HDAC9: variants seen among roughly 807,000 people sequenced by gnomAD.
HDAC9 encodes the protein MEF-2 interacting transcription repressor (MITR) protein.
In HDAC9, 41 loss-of-function variants were observed where a neutral mutation model predicts 139.4. That is an observed-to-expected ratio of 0.29 (90% CI 0.23 to 0.38). The LOEUF is 0.38. Ranked by LOEUF, HDAC9 falls within the 10% of genes least tolerant of loss-of-function variation. The pLI is 1.00. For synonymous variants in HDAC9, 517 were observed against 476.2 expected, an observed-to-expected ratio of 1.09 and a Z score of -1.12; for missense variants, 1,147 against 1,297.0, an observed-to-expected ratio of 0.88 and a Z score of 1.78.
chr7:18,798,154 A>T (rs1433324950), intron 17 of HDAC9, among the ~76,000 whole-genome samples: 1 of 152,152 alleles, frequency 6.6e-6, no homozygotes, highest in African/African-American at 2.4e-5. Flanking sequence ...TATAACAAAG[A>T]GTAAAACAGT....
At chr7:18,552,211 G>A (rs772920438) in intron 2 of HDAC9, among the ~76,000 whole-genome samples, 1 of 152,048 alleles carries the variant, frequency 6.6e-6, no homozygotes, top group Non-Finnish European at 1.5e-5. Flanking sequence ...GGTTTATGTA[G>A]GTTTATAGGT....
intron 2 of HDAC9, among the ~76,000 whole-genome samples, chr7:18,247,131 G>T (rs1234161351): frequency 1.3e-5 from 2 of 151,890 alleles, no homozygotes; most frequent in Non-Finnish European, 2.9e-5. Flanking sequence ...CTGAATAAAG[G>T]TGTCAAGCAG....
At chr7:18,671,731 C>T (rs996854726) in intron 12 of HDAC9, among the ~76,000 whole-genome samples, 5 of 151,952 alleles carry the variant, frequency 3.3e-5, no homozygotes, top group Admixed American at 6.6e-5. Flanking sequence ...TCCCACTCCA[C>T]GCTCGTTCTT....
intron 6 of HDAC9, among the ~76,000 whole-genome samples, chr7:18,623,931 T>C (rs904604415): frequency 2.6e-5 from 4 of 152,084 alleles, no homozygotes; most frequent in Admixed American, 2.0e-4. Context: ...AGAGCAAGAC[T>C]CCATTGCAGG....
At chr7:18,374,157 A>G (rs964849369) in intron 1 of HDAC9, among the ~76,000 whole-genome samples, 2 of 151,522 alleles carry the variant, frequency 1.3e-5, no homozygotes, top group South Asian at 2.1e-4. Context: ...TATATACTAG[A>G]TATATGTAGT....
intron 2 of HDAC9, among the ~76,000 whole-genome samples, chr7:18,186,086 A>G (rs1319928504): frequency 2.0e-5 from 3 of 152,226 alleles, no homozygotes; most frequent in African/African-American, 4.8e-5. Flanking sequence ...CTAAAATCCT[A>G]TTTTGAAGAT....
chr7:18,198,765 A>C (rs1019809857), intron 2 of HDAC9, among the ~76,000 whole-genome samples: 1 of 152,202 alleles, frequency 6.6e-6, no homozygotes, highest in African/African-American at 2.4e-5. Context: ...AAAAATGTGC[A>C]TGTATGTTGA....
At chr7:18,175,768 ACCC>A (rs57980430) in intron 2 of HDAC9, among the ~76,000 whole-genome samples, 31 of 112,792 alleles carry the variant, frequency 2.7e-4, no homozygotes, top group African/African-American at 5.5e-4. Context: ...ATTATTTTTA[ACCC>A]CCCCCCCCCT....
chr7:18,733,432 G>A (rs896790044), intron 13 of HDAC9, among the ~76,000 whole-genome samples: 2 of 150,568 alleles, frequency 1.3e-5, no homozygotes, highest in African/African-American at 4.9e-5. Context: ...TCTTTTGTCA[G>A]GAAATCTATT....
intron 2 of HDAC9, among the ~76,000 whole-genome samples, chr7:18,541,071 C>G (rs533056789): frequency 1.4e-5 from 2 of 142,726 alleles, no homozygotes; most frequent in Non-Finnish European, 3.0e-5. Context: ...TACATGGCAT[C>G]TATAGTGATG....
At chr7:18,145,272 G>T (rs2128113742) in intron 1 of HDAC9, among the ~76,000 whole-genome samples, 1 of 152,230 alleles carries the variant, frequency 6.6e-6, no homozygotes, top group African/African-American at 2.4e-5. Flanking sequence ...TCTGATGTAG[G>T]CAAGCACTCA....
intron 13 of HDAC9, among the ~76,000 whole-genome samples, chr7:18,739,720 G>A (rs1787270359): frequency 6.6e-6 from 1 of 152,234 alleles, no homozygotes; most frequent in Non-Finnish European, 1.5e-5. Flanking sequence ...CTACATGGGT[G>A]TCAGGGACCC....
At chr7:18,397,716 CT>C (rs1164202832) in intron 1 of HDAC9, among the ~76,000 whole-genome samples, 4 of 152,136 alleles carry the variant, frequency 2.6e-5, no homozygotes, top group African/African-American at 9.7e-5. Flanking sequence ...AATACATTCT[CT>C]ATGACATCCC....
At chr7:18,734,557 G>C (rs184016515) in intron 13 of HDAC9, among the ~76,000 whole-genome samples, 130 of 152,278 alleles carry the variant, frequency 8.5e-4, no homozygotes, top group African/African-American at 3.0e-3. Context: ...CCCTGCAAAG[G>C]ACATGAACTC....
intron 2 of HDAC9, among the ~76,000 whole-genome samples, chr7:18,514,938 C>T (rs1802695174): frequency 6.6e-6 from 1 of 152,058 alleles, no homozygotes; most frequent in African/African-American, 2.4e-5. Context: ...CACATAAGAC[C>T]CTGTCTCTAA....
Position 18,830,690 on chromosome 7 carries a change from T to C in HDAC9, c.2466+1142T>C, listed in dbSNP as rs10251867. On this transcript the variant is annotated intron_variant, in intron 19 of 25. Transcript: ENST00000686413. The stretch of plus-strand genomic sequence containing the variant: ...TTGTGCTTCGTTGCAATGGGTATTT[T>C]TCACACACTATATTGAAGCATTCCT... 5.6e-3 allele frequency among the ~76,000 whole-genome samples: 856 copies of C among 152,288 alleles called. 11 individuals carry two copies. Among genetic ancestry groups the C allele is most frequent in the African/African-American group, 0.019 (809 of 41,560 alleles).
intron 22 of HDAC9, among the ~76,000 whole-genome samples, chr7:18,905,170 C>T (rs1391872796): frequency 1.3e-5 from 2 of 152,226 alleles, no homozygotes; most frequent in South Asian, 2.1e-4. Flanking sequence ...GGATTACAGG[C>T]GTGAGCCACT....
chr7:18,406,031 T>A lies in HDAC9; in HGVS notation c.-41-90231T>A, dbSNP rs76707916. On this transcript the variant is annotated intron_variant, in intron 1 of 3. Coordinates refer to the HDAC9 transcript ENST00000413509. ...AAACAGTTAGTTTTAGACCAATCATTGGTTGTAAATATATGTTTTAAATAT... is the reference window on the plus strand; with the variant it reads ...AAACAGTTAGTTTTAGACCAATCATAGGTTGTAAATATATGTTTTAAATAT... 1.1e-3 allele frequency among the ~76,000 whole-genome samples: 165 copies of A among 152,350 alleles called. 1 individual carries two copies. The highest frequency in any genetic ancestry group is 3.8e-3 in the African/African-American group (157 of 41,580).
At chr7:18,995,063 G>GTGTT (rs1336224410) in intron 25 of HDAC9, among the ~76,000 whole-genome samples, 2 of 152,172 alleles carry the variant, frequency 1.3e-5, no homozygotes, top group East Asian at 1.9e-4. Flanking sequence ...ATGTCTCATA[G>GTGTT]TGTTTATTAT....
Sources: gnomAD v4.1 joint callset for allele counts (sites outside exome capture counted in the v4.1 genomes callset) on GRCh38, gnomAD v4.1.1 for gene constraint, MANE v1.5 for transcripts, NCBI Gene and HGNC (gene_info 2026-07-23, HGNC 2026-07-21) for gene names.